The following TRIM28 variants were observed in gnomAD, a reference collection of about 807,000 sequenced individuals.
The protein encoded by TRIM28 is tripartite motif containing 28.
A neutral mutation model predicts 87.4 loss-of-function variants in TRIM28; 8 were observed. That is an observed-to-expected ratio of 0.09 (90% CI 0.05 to 0.17). The LOEUF (loss-of-function observed/expected upper bound fraction) is 0.17, where lower values mean the gene tolerates loss of function less well. Among genes scored for constraint, TRIM28 ranks in the 10% least tolerant of loss-of-function variants. The pLI is 1.00. For missense variants in TRIM28, 968 were observed against 1,131.8 expected, an observed-to-expected ratio of 0.86 and a Z score of 2.08; for synonymous variants, 601 against 454.3, an observed-to-expected ratio of 1.32 and a Z score of -4.11.
In TRIM28 at chr19:58,550,212, T is replaced by C; in HGVS notation, c.2259T>C (p.Pro753=). Residue 753 remains proline (P), a synonymous_variant, in exon 16 of 17, where the codon CCT becomes CCC. Coordinates refer to ENST00000253024, the MANE Select transcript of TRIM28 (RefSeq NM_005762.3). ...CCCGCCTCCAGGAGAAGTTGTCACC[T>C]CCCTACAGCTCCCCACAGGAGTTTG... ...IRARLQEKLS[P]PYSSPQEFAQ... is the part of the protein sequence containing the mutation. 6.2e-7 allele frequency: 1 copy of C among 1,614,038 alleles called. No homozygotes were observed. The highest frequency in any genetic ancestry group is 8.5e-7 in the Non-Finnish European group (1 of 1,179,986).
At chr19:58,545,352 C>A in intron 1 of TRIM28, 73 bp from the exon 2 acceptor site, 3 of 1,267,922 alleles carry the variant, frequency 2.4e-6, no homozygotes, top group Admixed American at 2.0e-5. Context: ...GGGGCCCACC[C>A]AGCAGGGGAA....
In TRIM28 at chr19:58,547,761, C is replaced by T. The variant is rs199875951; in HGVS notation, c.840-31C>T. The T allele has an allele frequency of 5.0e-5, 80 of 1,613,644 alleles. No individual in the cohort carries two copies. In the South Asian group the frequency reaches 8.2e-4, roughly 17 times the overall value. On this transcript the variant is annotated intron_variant, in intron 5 of 16. Coordinates refer to ENST00000253024, the MANE Select transcript of TRIM28 (RefSeq NM_005762.3). ...TGGGGGTGGCCCAGGGCAGCAAGAC[C>T]CTACCTAGCCTGACCTGCTGTGTCC...
chr19:58,546,149 GAGA>G (rs1045566281), intron 3 of TRIM28, among the ~76,000 whole-genome samples: 1 of 152,188 alleles, frequency 6.6e-6, no homozygotes, highest in African/African-American at 2.4e-5. Flanking sequence ...CAAAGGGTTT[GAGA>G]AGGCTTATCA....
Position 58,549,992 on chromosome 19 carries a change from G to A in TRIM28, c.2150G>A (p.Cys717Tyr). ...VLLALFCHEPCRPLHQLATDS... is the reference protein window; with the variant it reads ...VLLALFCHEPYRPLHQLATDS... ...CTGGCCCTATTCTGTCACGAACCCT[G>A]CCGCCCCCTGCATCAGCTGGCTACC... Residue 717 changes from cysteine to tyrosine, a missense_variant, in exon 15 of 17, where the codon TGC (cysteine) becomes TAC (tyrosine). Cys to Tyr is a radical substitution (Grantham distance 194, BLOSUM62 -2). Transcript: ENST00000253024. This position sits in a 1 kb window ranked among gnomAD's most constrained non-coding sequence, Gnocchi z 4.4. 1 of 1,614,052 alleles carries A rather than the reference G, an allele frequency of 6.2e-7. No individual in the cohort carries two copies. Among genetic ancestry groups the A allele is most frequent in the Non-Finnish European group, 8.5e-7 (1 of 1,179,990 alleles).
In TRIM28 at chr19:58,549,124, G is replaced by T. The variant is rs769053070; in HGVS notation, c.1546G>T (p.Asp516Tyr). The T allele has an allele frequency of 1.9e-6, 3 of 1,614,034 alleles. No individual in the cohort carries two copies. The highest frequency in any genetic ancestry group is 2.5e-6 in the Non-Finnish European group (3 of 1,180,028). The part of the protein sequence containing the change: ...FKVFPGSTTE[D>Y]YNLIVIERGA... ...GGTCTTCCCAGGCAGTACCACTGAG[G>T]ACTACAACCTTATTGTTATTGAACG... Residue 516 changes from aspartate to tyrosine, a missense_variant, in exon 12 of 17, where the codon GAC (aspartate) becomes TAC (tyrosine). Around this residue, in one of 11 missense-constraint regions of TRIM28, gnomAD observed 23 missense variants for 56.7 expected, o/e 0.41. Transcript: ENST00000253024. The surrounding 1 kb of genome is among the most constrained non-coding windows in gnomAD (Gnocchi z 4.4).
intron 4 of TRIM28, 30 bp downstream of exon 4, chr19:58,547,541 G>A (rs570883577): frequency 1.9e-6 from 3 of 1,613,582 alleles, no homozygotes; most frequent in African/African-American, 2.7e-5. Context: ...GGTTGGGTGG[G>A]TGGGTGCCAC....
Position 58,549,846 on chromosome 19 carries a change from C to T in TRIM28, c.2092C>T (p.Pro698Ser), listed in dbSNP as rs1223630768. The change falls in exon 14 of 17, where the codon CCA becomes TCA. Residue 698 changes from proline to serine, a missense_variant. By Grantham distance (74) the Pro-to-Ser change is moderately conservative (BLOSUM62 -1). Coordinates refer to ENST00000253024, the MANE Select transcript of TRIM28 (RefSeq NM_005762.3). The surrounding 1 kb of genome is among the most constrained non-coding windows in gnomAD (Gnocchi z 4.4). ...CACTGGCGTGGTGGCCAAGCTCTCA[C>T]CAGCCAACCAGCGGGTGAGGGCTGG... ...DSTGVVAKLS[P>S]ANQRKCERVL... 2 of 1,612,402 alleles carry T rather than the reference C, an allele frequency of 1.2e-6. No homozygotes were observed. Among genetic ancestry groups the T allele is most frequent in the African/African-American group, 2.7e-5 (2 of 75,006 alleles).
In TRIM28 at chr19:58,547,780, T is replaced by C. The variant is rs1358406152; in HGVS notation, c.840-12T>C. 2 of 1,613,938 alleles carry C rather than the reference T, an allele frequency of 1.2e-6. No homozygotes were observed. Among genetic ancestry groups the C allele is most frequent in the Admixed American group, 3.3e-5 (2 of 59,996 alleles). The stretch of plus-strand genomic sequence containing the variant: ...CAAGACCCTACCTAGCCTGACCTGC[T>C]GTGTCCCCTAGAATCCGCCAGGTGT... On this transcript the variant is annotated splice_polypyrimidine_tract_variant and intron_variant, in intron 5 of 16. Coordinates refer to ENST00000253024, the MANE Select transcript of TRIM28 (RefSeq NM_005762.3).
chr19:58,547,870 G>A lies in TRIM28; in HGVS notation c.918G>A (p.Leu306=), dbSNP rs747881278. 3.7e-6 allele frequency: 6 copies of A among 1,614,188 alleles called. No individual in the cohort carries two copies. The highest frequency in any genetic ancestry group is 4.2e-6 in the Non-Finnish European group (5 of 1,180,036). ...CCATCCTGCAGATCATGAAGGAGCT[G>A]AATAAGCGGGGCCGTGTGCTGGTCA... is the stretch of plus-strand genomic sequence containing the variant. ...KMAILQIMKE[L]NKRGRVLVND... is the part of the protein sequence containing the mutation. The change falls in exon 6 of 17, where the codon CTG becomes CTA. Residue 306 remains leucine (L), a synonymous_variant. Transcript: ENST00000253024.
intron 10 of TRIM28, 39 bp downstream of exon 10, chr19:58,548,815 T>G: frequency 2.5e-6 from 4 of 1,614,042 alleles, no homozygotes; most frequent in Non-Finnish European, 3.4e-6. Flanking sequence ...AGGGCCCCAG[T>G]GCTGTTTCTA....
In TRIM28 at chr19:58,544,205, T is replaced by C. The variant is rs1040310030; in HGVS notation, c.-553T>C. 6 of 152,282 alleles carry C rather than the reference T, an allele frequency of 3.9e-5. No individual in the cohort carries two copies. The highest frequency in any genetic ancestry group is 8.8e-5 in the Non-Finnish European group (6 of 68,064). The allele number at this position is 152,282 out of a possible 1,614,324, so 9.4% of individuals were successfully genotyped here. A position where few individuals can be genotyped will look rare whatever the true frequency, so the allele number is the denominator to read the frequency against. ...TGGAGCTGAGAGGGGAATCACACTC[T>C]ATAAAGGTTCGCATACCCCACTGGC... On this transcript the variant is annotated 5_prime_UTR_variant, in exon 1 of 17. Coordinates refer to ENST00000253024, the MANE Select transcript of TRIM28 (RefSeq NM_005762.3).
chr19:58,549,909 G>A lies in TRIM28; in HGVS notation c.2107-40G>A, dbSNP rs774232718. On this transcript the variant is annotated intron_variant, in intron 14 of 16. Coordinates refer to ENST00000253024, the MANE Select transcript of TRIM28 (RefSeq NM_005762.3). The surrounding 1 kb of genome is among the most constrained non-coding windows in gnomAD (Gnocchi z 4.4). Reference sequence around the variant, plus strand: ...GGGGTTGCCCAGAGAGGCTTTATAGGTGCTGCCCAGAGCTGTGACATCCCT... The same window carrying A: ...GGGGTTGCCCAGAGAGGCTTTATAGATGCTGCCCAGAGCTGTGACATCCCT... The A allele has an allele frequency of 8.7e-6, 14 of 1,614,038 alleles. No individual in the cohort carries two copies. In the East Asian group the frequency reaches 2.2e-4, roughly 26 times the overall value.
rs2053767778 is a variant in TRIM28 at position 58,547,098 on chromosome 19, C to G, written c.587-278C>G. The G allele has an allele frequency of 1.0e-5, 4 of 385,424 alleles. No homozygotes were observed. The South Asian group carries it at 1.4e-4, about 13-fold the overall frequency. 23.9% of individuals were successfully genotyped at this position (385,424 alleles called of 1,614,324 possible). On this transcript the variant is annotated intron_variant, in intron 3 of 16. Coordinates refer to ENST00000253024, the MANE Select transcript of TRIM28 (RefSeq NM_005762.3). ...GGGTGGGGGGTGGGGTGGGGTGGTC[C>G]TCTTTTTCTAGACGCTGTTATCCTT...
chr19:58,546,954 A>T (rs142340816), intron 3 of TRIM28, among the ~76,000 whole-genome samples: 8 of 151,752 alleles, frequency 5.3e-5, no homozygotes, highest in Non-Finnish European at 1.2e-4. Flanking sequence ...GGGAAGAGGG[A>T]GGAAGTTAAC....
At position 58,548,490 on chromosome 19, in the gene TRIM28, G is replaced by C. The variant is rs770750015; in HGVS notation, c.1221G>C (p.Lys407Asn). The change falls in exon 9 of 17, where the codon AAG becomes AAC. Residue 407 changes from lysine (K) to asparagine (N), a missense_variant. This residue lies in a region of TRIM28 where 84 missense variants were observed against 139.9 expected (regional missense o/e 0.60). Transcript: ENST00000253024. ...GTTTCTCTCTTCTTTTTGCAGGCAAGATTGTGGCAGAGCGTCCTGGCACTA... is the reference window on the plus strand; with the variant it reads ...GTTTCTCTCTTCTTTTTGCAGGCAACATTGTGGCAGAGCGTCCTGGCACTA... ...AWTKSAEAFGKIVAERPGTNS... is the reference protein window; with the variant it reads ...AWTKSAEAFGNIVAERPGTNS... 6.2e-7 allele frequency: 1 copy of C among 1,614,090 alleles called. No homozygotes were observed. Among genetic ancestry groups the C allele is most frequent in the Non-Finnish European group, 8.5e-7 (1 of 1,180,024 alleles).
At chr19:58,545,393 G>A in intron 1 of TRIM28, 32 bp from the exon 2 acceptor site, 2 of 1,563,314 alleles carry the variant, frequency 1.3e-6, no homozygotes, top group Non-Finnish European at 1.8e-6. Context: ...GTGGGAACTT[G>A]TAACAGTCTC....
In TRIM28 at chr19:58,545,781, G is replaced by C. The variant is rs758415956; in HGVS notation, c.471G>C (p.Glu157Asp). ...QDANQCCTSC[E>D]DNAPATSYCV... ...TCTGGCAGTGCTGCACTAGCTGTGA[G>C]GATAATGCCCCAGCCACCAGCTACT... The change falls in exon 3 of 17, where the codon GAG becomes GAC. Residue 157 changes from glutamate (E) to aspartate (D), a missense_variant. Glu to Asp is a conservative substitution (Grantham distance 45). Coordinates refer to ENST00000253024, the MANE Select transcript of TRIM28 (RefSeq NM_005762.3). The C allele has an allele frequency of 6.2e-7, 1 of 1,609,980 alleles. No homozygotes were observed. The highest frequency in any genetic ancestry group is 8.5e-7 in the Non-Finnish European group (1 of 1,177,432).
rs1481907545 is a variant in TRIM28 at position 58,544,798 on chromosome 19, C to T, written c.41C>T (p.Ser14Leu). Residue 14 changes from serine to leucine, a missense_variant, in exon 1 of 17, where the codon TCG becomes TTG. Ser to Leu is a moderately radical substitution (Grantham distance 145, BLOSUM62 -2). Transcript: ENST00000253024. Reference protein sequence around the residue: ...SAAAASAAAASAASGSPGPGE... With the variant: ...SAAAASAAAALAASGSPGPGE... Reference sequence around the variant, plus strand: ...GCGGCAGCCTCGGCAGCAGCGGCCTCGGCCGCCTCTGGCAGCCCGGGCCCG... The same window carrying T: ...GCGGCAGCCTCGGCAGCAGCGGCCTTGGCCGCCTCTGGCAGCCCGGGCCCG... 1.2e-5 allele frequency: 15 copies of T among 1,206,050 alleles called. No individual in the cohort carries two copies. In the Admixed American group the frequency reaches 5.7e-4, roughly 46 times the overall value. The allele number at this position is 1,206,050 out of a possible 1,614,324, so 74.7% of individuals were successfully genotyped here.
intron 15 of TRIM28, 48 bp downstream of exon 15, chr19:58,550,083 T>G (rs2053802413): frequency 6.2e-6 from 10 of 1,613,646 alleles, no homozygotes; most frequent in Non-Finnish European, 8.5e-6. Flanking sequence ...CTGCTGGGTC[T>G]CGCCCTCAAC....
Sources: allele counts gnomAD v4.1 joint callset (sites outside exome capture counted in the v4.1 genomes callset), GRCh38; gene constraint gnomAD v4.1.1; regional missense constraint gnomAD v4.1.1; non-coding constraint Gnocchi (gnomAD v3.1); transcripts MANE v1.5; gene names NCBI Gene and HGNC (gene_info 2026-07-23, HGNC 2026-07-21).